Variants in ELP1 observed in about 807,000 individuals in gnomAD.
ELP1 encodes the protein elongator complex protein 1.
ELP1 carries 131 observed loss-of-function variants against 183.2 expected under a neutral mutation model. The ratio of observed to expected loss-of-function variants is 0.72; its 90% CI spans 0.62 to 0.83. The LOEUF is 0.83. Ranked by LOEUF, ELP1 falls within the 40% of genes least tolerant of loss-of-function variation. ELP1 has a pLI of 0.00. For missense variants in ELP1, 1,550 were observed against 1,594.9 expected, an observed-to-expected ratio of 0.97 and a Z score of 0.48; for synonymous variants, 555 against 569.0, an observed-to-expected ratio of 0.98 and a Z score of 0.35.
Position 108,897,209 on chromosome 9 carries a change from T to C in ELP1, c.2440A>G (p.Asn814Asp). 6.2e-7 allele frequency: 1 copy of C among 1,614,150 alleles called. No homozygotes were observed. The highest frequency in any genetic ancestry group is 8.5e-7 in the Non-Finnish European group (1 of 1,180,020). ...SVYLSRDPDG[N>D]KIDLVCDAMR... ...GCATCGCAGACAAGGTCTATTTTATTCCCGTCAGGATCCCTGGACAGGTAG... is the reference window on the plus strand; with the variant it reads ...GCATCGCAGACAAGGTCTATTTTATCCCCGTCAGGATCCCTGGACAGGTAG... Residue 814 changes from asparagine (N) to aspartate (D), a missense_variant, in exon 23 of 37, where the codon AAT becomes GAT. Physicochemically the swap from Asn to Asp is conservative, Grantham distance 23. Transcript: ENST00000374647.
At chr9:108,899,945 A>T in intron 19 of ELP1, 50 bp from the exon 20 acceptor site, 1 of 1,436,718 alleles carries the variant, frequency 7.0e-7, no homozygotes, top group African/African-American at 1.4e-5. Flanking sequence ...AAAACATTTA[A>T]ATAGCCAGGA....
intron 12 of ELP1, among the ~76,000 whole-genome samples, chr9:108,909,533 G>A (rs759041727): frequency 1.3e-5 from 2 of 152,168 alleles, no homozygotes; most frequent in Non-Finnish European, 2.9e-5. Context: ...ACCTGTTCCA[G>A]TCCAAGATCT....
rs1828316814 is a variant in ELP1 at position 108,891,193 on chromosome 9, T to C, written c.3160+10A>G. The C allele has an allele frequency of 1.2e-6, 2 of 1,613,394 alleles. No individual in the cohort carries two copies. Among genetic ancestry groups the C allele is most frequent in the African/African-American group, 1.3e-5 (1 of 74,926 alleles). ...TTTGTAGATGTAAACATATAAATGA[T>C]TGTACTTACCTGCCAGAGTTCTGCC... On this transcript the variant is annotated intron_variant, in intron 28 of 36. Coordinates refer to ENST00000374647, the MANE Select transcript of ELP1 (RefSeq NM_003640.5).
chr9:108,922,696 C>A, intron 6 of ELP1, 146 bp downstream of exon 6: 1 of 718,318 alleles, frequency 1.4e-6, no homozygotes, highest in African/African-American at 1.7e-5. Context: ...TAGAGGGATT[C>A]ATTTCCTGAA....
chr9:108,914,860 C>T (rs906907386), intron 10 of ELP1, among the ~76,000 whole-genome samples: 6 of 152,156 alleles, frequency 3.9e-5, no homozygotes, highest in Admixed American at 1.3e-4. Flanking sequence ...CTCCTGACCT[C>T]GTGATCCGCC....
rs1435868507 is a variant in ELP1 at position 108,898,720 on chromosome 9, A to T, written c.2234T>A (p.Met745Lys). 1 of 1,611,866 alleles carries T rather than the reference A, an allele frequency of 6.2e-7. No individual in the cohort carries two copies. The highest frequency in any genetic ancestry group is 1.1e-5 in the South Asian group (1 of 91,040). ...ATTGAGATTGATTCTCAGCTTTCTC[A>T]TGCATTCAAATGCCTCTTTAAACAT... ...KLMFKEAFEC[M>K]RKLRINLNLI... is the part of the protein sequence containing the mutation. Residue 745 changes from methionine (M) to lysine (K), a missense_variant, in exon 21 of 37, where the codon ATG (methionine) becomes AAG (lysine). By Grantham distance (95) the Met-to-Lys change is moderately conservative. Coordinates refer to ENST00000374647, the MANE Select transcript of ELP1 (RefSeq NM_003640.5).
chr9:108,931,118 A>G lies in ELP1; in HGVS notation c.29T>C (p.Leu10Pro). The G allele has an allele frequency of 1.2e-6, 2 of 1,614,192 alleles. No homozygotes were observed. The highest frequency in any genetic ancestry group is 1.7e-6 in the Non-Finnish European group (2 of 1,180,004). The change falls in exon 2 of 37, where the codon CTG becomes CCG. Residue 10 changes from leucine (L) to proline (P), a missense_variant. By Grantham distance (98) the Leu-to-Pro change is moderately conservative (BLOSUM62 -3). Coordinates refer to ENST00000374647, the MANE Select transcript of ELP1 (RefSeq NM_003640.5). ...TGGACCTTGAATATCCCTGAACTCC[A>G]GGGTCCGAAATAATTTCAGATTTCG... is the stretch of plus-strand genomic sequence containing the variant. MRNLKLFRTLEFRDIQGPGN... is the reference protein window; with the variant it reads MRNLKLFRTPEFRDIQGPGN...
chr9:108,886,239 T>C (rs1343474268), intron 29 of ELP1, among the ~76,000 whole-genome samples: 1 of 152,174 alleles, frequency 6.6e-6, no homozygotes, highest in East Asian at 1.9e-4. Context: ...CATAGGTTTT[T>C]AACCATAAGC....
chr9:108,882,251 C>G (rs956149807), intron 29 of ELP1, 64 bp from the exon 30 acceptor site: 4 of 1,427,018 alleles, frequency 2.8e-6, no homozygotes, highest in Non-Finnish European at 2.9e-6. Flanking sequence ...TCACAGCCAA[C>G]TACAAAACTA....
intron 29 of ELP1, among the ~76,000 whole-genome samples, chr9:108,888,652 G>A (rs968741978): frequency 3.9e-5 from 6 of 151,968 alleles, no homozygotes; most frequent in South Asian, 4.2e-4. Flanking sequence ...TTTAGTTATC[G>A]TCTTTCACTT....
Position 108,880,032 on chromosome 9 carries a change from G to T in ELP1, c.3460+20C>A. ...ACCCCACTGCCCCCGCACGTCGATG[G>T]CCTTCACGCAGATACTCACCCAGAC... On this transcript the variant is annotated intron_variant, in intron 32 of 36. Transcript: ENST00000374647. 1.1e-5 allele frequency: 16 copies of T among 1,485,730 alleles called. No individual in the cohort carries two copies. The highest frequency in any genetic ancestry group is 1.5e-5 in the Non-Finnish European group (16 of 1,062,780). 92.0% of individuals were successfully genotyped at this position (1,485,730 alleles called of 1,614,324 possible). A position where few individuals can be genotyped will look rare whatever the true frequency, so the allele number is the denominator to read the frequency against.
chr9:108,919,494 G>C (rs1002147466), intron 6 of ELP1, 145 bp from the exon 7 acceptor site: 2 of 564,752 alleles, frequency 3.5e-6, no homozygotes, highest in East Asian at 3.0e-5. Flanking sequence ...ACCATCCAAG[G>C]GTTGGTTCTT....
Position 108,899,969 on chromosome 9 carries a change from C to T in ELP1, c.2131-74G>A, listed in dbSNP as rs1180080222. 3.4e-6 allele frequency: 4 copies of T among 1,180,862 alleles called. No individual in the cohort carries two copies. In the African/African-American group the frequency reaches 4.5e-5, roughly 13 times the overall value. The allele number at this position is 1,180,862 out of a possible 1,614,324, so 73.1% of individuals were successfully genotyped here. A position where few individuals can be genotyped will look rare whatever the true frequency, so the allele number is the denominator to read the frequency against. ...AAATAGCCAGGATACACCATTTTAC[C>T]TAACTCTTCACAGAGAATTACCACA... is the stretch of plus-strand genomic sequence containing the variant. On this transcript the variant is annotated intron_variant, in intron 19 of 36. Transcript: ENST00000374647.
chr9:108,912,752 C>CAT (rs764644713), intron 10 of ELP1, among the ~76,000 whole-genome samples: 21 of 140,866 alleles, frequency 1.5e-4, no homozygotes, highest in East Asian at 8.1e-4. Context: ...TGTTTATTTT[C>CAT]GTTTTTTTTT....
In ELP1 at chr9:108,931,122, T is replaced by A. The variant is rs765095525; in HGVS notation, c.25A>T (p.Thr9Ser). Residue 9 changes from threonine to serine, a missense_variant, in exon 2 of 37, where the codon ACC (threonine) becomes TCC (serine). Physicochemically the swap from Thr to Ser is moderately conservative, Grantham distance 58. Transcript: ENST00000374647. ...CCTTGAATATCCCTGAACTCCAGGG[T>A]CCGAAATAATTTCAGATTTCGCATG... The part of the protein sequence containing the change: MRNLKLFR[T>S]LEFRDIQGPG... 19 of 1,614,148 alleles carry A rather than the reference T, an allele frequency of 1.2e-5. 1 individual carries two copies. The South Asian group carries it at 2.0e-4, about 17-fold the overall frequency.
intron 2 of ELP1, among the ~76,000 whole-genome samples, chr9:108,930,563 G>A (rs1432740289): frequency 6.6e-6 from 1 of 152,128 alleles, no homozygotes; most frequent in Middle Eastern, 3.4e-3. Context: ...GGTGGCGGGC[G>A]CCTGTAGTCC....
rs1326806855 is a variant in ELP1 at position 108,929,892 on chromosome 9, T to C, written c.180A>G (p.Glu60=). Residue 60 remains glutamate, a synonymous_variant, in exon 3 of 37, where the codon GAA becomes GAG. Transcript: ENST00000374647. The part of the protein sequence containing the change: ...EVKNEVSLVA[E]GFLPEDGSGR... ...CACTTCCATCCTCTGGGAGAAAGCC[T>C]TCTGCCACCAAAGAAACTTCATTTT... 2 of 1,613,786 alleles carry C rather than the reference T, an allele frequency of 1.2e-6. No homozygotes were observed. Among genetic ancestry groups the C allele is most frequent in the Non-Finnish European group, 1.7e-6 (2 of 1,180,040 alleles).
At chr9:108,905,374 T>C (rs1587901228) in intron 14 of ELP1, among the ~76,000 whole-genome samples, 1 of 152,116 alleles carries the variant, frequency 6.6e-6, no homozygotes, top group Non-Finnish European at 1.5e-5. Context: ...GGCTAGAAAA[T>C]GCTATCAACT....
chr9:108,895,671 C>G (rs1828516247), intron 25 of ELP1, among the ~76,000 whole-genome samples: 2 of 152,050 alleles, frequency 1.3e-5, no homozygotes, highest in African/African-American at 4.8e-5. Context: ...GTATTTTAAG[C>G]AGAGAGATGA....
Sources: allele counts gnomAD v4.1 joint callset (sites outside exome capture counted in the v4.1 genomes callset), GRCh38; gene constraint gnomAD v4.1.1; transcripts MANE v1.5; gene names NCBI Gene and HGNC (gene_info 2026-07-23, HGNC 2026-07-21).